The following SLC2A9 variants were observed in gnomAD, a reference collection of about 807,000 sequenced individuals.
SLC2A9 encodes the protein solute carrier family 2, facilitated glucose transporter member 9.
A neutral mutation model predicts 50.6 loss-of-function variants in SLC2A9; 39 were observed. That is an observed-to-expected ratio of 0.77 (90% CI 0.60 to 1.01). SLC2A9 has a LOEUF of 1.01. Ranked by LOEUF, SLC2A9 falls within the 50% of genes least tolerant of loss-of-function variation. The probability of loss-of-function intolerance (pLI) is 0.00; values close to 1 mark genes in which losing one functional copy is unlikely to be tolerated. For synonymous variants in SLC2A9, 324 were observed against 276.9 expected, an observed-to-expected ratio of 1.17 and a Z score of -1.69; for missense variants, 686 against 677.6, an observed-to-expected ratio of 1.01 and a Z score of -0.14.
Position 9,845,977 on chromosome 4 carries a change from T to C in SLC2A9, c.1292-10969A>G, listed in dbSNP as rs184944494. Among the ~76,000 whole-genome samples the C allele has an allele frequency of 2.8e-4, 43 of 152,366 alleles. No individual in the cohort carries two copies. The East Asian group carries it at 7.9e-3, about 28-fold the overall frequency. Reference sequence around the variant, plus strand: ...CATCCATTTCCATCCGACATTTACATGTCAAGTCCTGTGCTAGGCAATTGC... The same window carrying C: ...CATCCATTTCCATCCGACATTTACACGTCAAGTCCTGTGCTAGGCAATTGC... On this transcript the variant is annotated intron_variant, in intron 10 of 11. Transcript: ENST00000264784.
chr4:9,810,885 C>G (rs900034621), intron 3 of SLC2A9, among the ~76,000 whole-genome samples: 1 of 152,192 alleles, frequency 6.6e-6, no homozygotes, highest in Non-Finnish European at 1.5e-5. Flanking sequence ...TCTTTAGGCT[C>G]TCACCGCTGA....
intron 3 of SLC2A9, among the ~76,000 whole-genome samples, chr4:9,790,715 G>A (rs1829413): frequency 0.52 from 79,329 of 151,948 alleles, 22,119 homozygotes; most frequent in Non-Finnish European, 0.64. Flanking sequence ...GTCTGGGGCC[G>A]ACTCCAAATT....
intron 1 of SLC2A9, among the ~76,000 whole-genome samples, chr4:10,033,312 G>C (rs546884428): frequency 9.9e-5 from 15 of 152,204 alleles, no homozygotes; most frequent in Non-Finnish European, 1.9e-4. Context: ...GTCTCCATTG[G>C]AGGCTCATCT....
At chr4:9,832,052 A>C (rs1020337005) in intron 11 of SLC2A9, among the ~76,000 whole-genome samples, 2 of 152,190 alleles carry the variant, frequency 1.3e-5, no homozygotes, top group Non-Finnish European at 2.9e-5. Context: ...TGAGACAATA[A>C]ATTTCTGTTG....
chr4:9,925,827 T>C (rs1295218166), intron 6 of SLC2A9, among the ~76,000 whole-genome samples: 1 of 152,182 alleles, frequency 6.6e-6, no homozygotes, highest in Non-Finnish European at 1.5e-5. Context: ...AGGAAAATTA[T>C]GCTAGATGTC....
chr4:9,978,440 T>C (rs1181750916), intron 5 of SLC2A9, among the ~76,000 whole-genome samples: 3 of 152,180 alleles, frequency 2.0e-5, no homozygotes, highest in African/African-American at 4.8e-5. Flanking sequence ...CTGAGGTAAA[T>C]ATTTATTTAC....
At chr4:9,935,475 G>A (rs910560936) in intron 6 of SLC2A9, among the ~76,000 whole-genome samples, 2 of 152,184 alleles carry the variant, frequency 1.3e-5, no homozygotes, top group East Asian at 3.9e-4. Context: ...TATGTGCCCT[G>A]GTTCTGACCT....
At chr4:9,784,224 G>A (rs1410986746) in intron 3 of SLC2A9, among the ~76,000 whole-genome samples, 6 of 152,134 alleles carry the variant, frequency 3.9e-5, no homozygotes, top group African/African-American at 1.4e-4. Flanking sequence ...TACCCATGTT[G>A]GGTCTGTGCT....
chr4:9,773,833 A>C (rs1376360193), intron 1 of SLC2A9, among the ~76,000 whole-genome samples: 1 of 152,164 alleles, frequency 6.6e-6, no homozygotes, highest in Non-Finnish European at 1.5e-5. Flanking sequence ...CTACTTACTC[A>C]AAACCACCAT....
In SLC2A9 at chr4:9,919,810, C is replaced by T. The variant is rs1350636694; in HGVS notation, c.1002+575G>A. On this transcript the variant is annotated intron_variant, in intron 7 of 11. Coordinates refer to ENST00000264784, the MANE Select transcript of SLC2A9 (RefSeq NM_020041.3). ...AGTAACAGTAAAGATCCAGACTCTG[C>T]CTCCCTAAGTCTCCAACTGGGAATT... Among the ~76,000 whole-genome samples the T allele has an allele frequency of 2.0e-5, 3 of 152,234 alleles. No homozygotes were observed. The East Asian group carries it at 5.8e-4, about 29-fold the overall frequency.
At chr4:10,011,037 A>G (rs141833488) in intron 2 of SLC2A9, among the ~76,000 whole-genome samples, 1 of 152,132 alleles carries the variant, frequency 6.6e-6, no homozygotes, top group Non-Finnish European at 1.5e-5. Context: ...CCATCACCTC[A>G]ATAGTTGCTT....
At chr4:9,825,631 T>A (rs1000324924), downstream of SLC2A9, among the ~76,000 whole-genome samples, 1 of 152,134 alleles carries the variant, frequency 6.6e-6, no homozygotes, top group African/African-American at 2.4e-5. Context: ...CCTGCTGCAG[T>A]TATGAGAAAG....
chr4:9,951,183 A>C (rs1750183761), intron 5 of SLC2A9, among the ~76,000 whole-genome samples: 2 of 152,352 alleles, frequency 1.3e-5, no homozygotes, highest in African/African-American at 4.8e-5. Context: ...CATGTCATTT[A>C]CAGCAACGTG....
At chr4:10,000,514 G>A (rs78921276) in intron 2 of SLC2A9, among the ~76,000 whole-genome samples, 6,904 of 152,252 alleles carry the variant, frequency 0.045, 279 homozygotes, top group African/African-American at 0.11. Context: ...GAATCCAGGT[G>A]CCATCTGGTT....
chr4:9,845,753 T>C (rs1034055630), intron 10 of SLC2A9, among the ~76,000 whole-genome samples: 1 of 152,230 alleles, frequency 6.6e-6, no homozygotes, highest in Admixed American at 6.5e-5. Context: ...TCTAAAGCCC[T>C]TCAAAATGCC....
chr4:9,894,143 G>T (rs1351306289), intron 8 of SLC2A9, among the ~76,000 whole-genome samples: 1 of 152,176 alleles, frequency 6.6e-6, no homozygotes, highest in African/African-American at 2.4e-5. Context: ...AACGATCTTT[G>T]TTGGTGTGTT....
At chr4:9,778,697 G>T (rs182222566), downstream of SLC2A9, among the ~76,000 whole-genome samples, 20 of 152,304 alleles carry the variant, frequency 1.3e-4, no homozygotes, top group Non-Finnish European at 2.8e-4. Context: ...AGCCAAGCTA[G>T]AATCCTCTTT....
Position 9,996,875 on chromosome 4 carries a change from G to T in SLC2A9, c.316C>A (p.Leu106Met). The change falls in exon 3 of 12, where the codon CTG becomes ATG. Residue 106 changes from leucine to methionine, a missense_variant. Physicochemically the swap from Leu to Met is conservative, Grantham distance 15. Coordinates refer to ENST00000264784, the MANE Select transcript of SLC2A9 (RefSeq NM_020041.3). ...RHGRPIDPDT[L>M]TLLWSVTVSI... ...ACAGTCACAGACCAGAGCAAAGTCA[G>T]AGTGTCTGGGTCTATTGGACGTCCA... is the stretch of plus-strand genomic sequence containing the variant. The T allele has an allele frequency of 6.2e-7, 1 of 1,614,164 alleles. No homozygotes were observed. Among genetic ancestry groups the T allele is most frequent in the Non-Finnish European group, 8.5e-7 (1 of 1,179,990 alleles).
chr4:9,776,483 C>A (rs1479256331), downstream of SLC2A9, among the ~76,000 whole-genome samples: 4 of 151,948 alleles, frequency 2.6e-5, no homozygotes, highest in Non-Finnish European at 5.9e-5. Flanking sequence ...TTTGGGACTA[C>A]CCCAGACCTC....
Sources: gnomAD v4.1 joint callset for allele counts (sites outside exome capture counted in the v4.1 genomes callset) on GRCh38, gnomAD v4.1.1 for gene constraint, MANE v1.5 for transcripts, NCBI Gene and HGNC (gene_info 2026-07-23, HGNC 2026-07-21) for gene names.